The following ETNK2 variants were observed in gnomAD, a reference collection of about 807,000 sequenced individuals.
ETNK2 encodes the protein ethanolamine kinase 2.
Under a neutral mutation model 46.2 loss-of-function variants are expected in ETNK2, and 33 were observed. The ratio of observed to expected loss-of-function variants is 0.71; its 90% CI spans 0.54 to 0.96. ETNK2 has a LOEUF of 0.96. ETNK2 is among the 40% of genes least tolerant of loss of function. The probability of loss-of-function intolerance (pLI) is 0.00; values close to 1 mark genes in which losing one functional copy is unlikely to be tolerated. For synonymous variants in ETNK2, 194 were observed against 209.0 expected (o/e 0.93, Z 0.62); for missense variants, 445 against 509.7 (o/e 0.87, Z 1.22).
chr1:204,137,272 A>G, intron 5 of ETNK2, 23 bp from the exon 6 acceptor site: 1 of 1,611,378 alleles, frequency 6.2e-7, no homozygotes, highest in Non-Finnish European at 8.5e-7. Flanking sequence ...CAGGCCAGAC[A>G]AAGTTGCTCA....
chr1:204,148,082 G>A (rs1657862040), intron 2 of ETNK2, among the ~76,000 whole-genome samples: 1 of 152,168 alleles, frequency 6.6e-6, no homozygotes, highest in Non-Finnish European at 1.5e-5. Flanking sequence ...CAAAGCCTCA[G>A]CAGGCTGAGG....
In ETNK2 at chr1:204,151,230, T is replaced by G; in HGVS notation, c.258+365A>C. 1.3e-5 allele frequency: 5 copies of G among 376,552 alleles called. No homozygotes were observed. The highest frequency in any genetic ancestry group is 1.4e-4 in the East Asian group (2 of 14,240). 23.3% of individuals were successfully genotyped at this position (376,552 alleles called of 1,614,324 possible). Reference sequence around the variant, plus strand: ...TGGGTCGGGGGGGCGGGGGGTCTCTTAAAAGTTCCCGCCTCCTCAGGTTTC... The same window carrying G: ...TGGGTCGGGGGGGCGGGGGGTCTCTGAAAAGTTCCCGCCTCCTCAGGTTTC... On this transcript the variant is annotated intron_variant, in intron 1 of 7. Transcript: ENST00000367202. The surrounding 1 kb of genome is among the most constrained non-coding windows in gnomAD (Gnocchi z 8.0).
At chr1:204,148,378 G>A (rs993128880) in intron 2 of ETNK2, among the ~76,000 whole-genome samples, 1 of 152,090 alleles carries the variant, frequency 6.6e-6, no homozygotes, top group Non-Finnish European at 1.5e-5. Context: ...GAGTGGTGAC[G>A]ACCTGACAAT....
chr1:204,143,312 T>C (rs1228733907), intron 3 of ETNK2, among the ~76,000 whole-genome samples: 2 of 151,810 alleles, frequency 1.3e-5, no homozygotes, highest in Non-Finnish European at 2.9e-5. Context: ...CTGAAAAACA[T>C]GGCTCTGACA....
Position 204,134,497 on chromosome 1 carries a change from C to T in ETNK2, c.1088+18G>A, listed in dbSNP as rs1221063028. On this transcript the variant is annotated intron_variant, in intron 7 of 7. Coordinates refer to ENST00000367202, the MANE Select transcript of ETNK2 (RefSeq NM_018208.4). ...GCTCTCCCTTTTCTCCACGTCCCAC[C>T]ATCACCCCCACACTCACCTGAGGAA... The T allele has an allele frequency of 1.2e-6, 2 of 1,612,640 alleles. No homozygotes were observed. Among genetic ancestry groups the T allele is most frequent in the Non-Finnish European group, 1.7e-6 (2 of 1,179,418 alleles).
In ETNK2 at chr1:204,151,988, G is replaced by A; in HGVS notation, c.-136C>T. On this transcript the variant is annotated 5_prime_UTR_variant, in exon 1 of 8. Coordinates refer to ENST00000367202, the MANE Select transcript of ETNK2 (RefSeq NM_018208.4). The surrounding 1 kb of genome is among the most constrained non-coding windows in gnomAD (Gnocchi z 8.0). ...GCGCGAGCTGCCCGCTTCGATCGCCGGCTCGCGGCCCGCCGCCCACCGCCG... is the reference window on the plus strand; with the variant it reads ...GCGCGAGCTGCCCGCTTCGATCGCCAGCTCGCGGCCCGCCGCCCACCGCCG... 2 of 959,916 alleles carry A rather than the reference G, an allele frequency of 2.1e-6. No homozygotes were observed. Among genetic ancestry groups the A allele is most frequent in the Non-Finnish European group, 2.7e-6 (2 of 736,462 alleles). The allele number at this position is 959,916 out of a possible 1,614,324, so 59.5% of individuals were successfully genotyped here.
intron 6 of ETNK2, 118 bp downstream of exon 6, chr1:204,136,986 G>A: frequency 2.2e-6 from 3 of 1,388,990 alleles, no homozygotes; most frequent in Non-Finnish European, 2.0e-6. Flanking sequence ...AGGAGCCAGG[G>A]ATGGGTGTCC....
chr1:204,141,786 A>C (rs1657553423), intron 3 of ETNK2: 1 of 293,608 alleles, frequency 3.4e-6, no homozygotes, highest in Admixed American at 4.7e-5. Context: ...GGGAAAGGAC[A>C]AGGCAGGTGA....
chr1:204,134,779 C>T (rs1479819789), intron 6 of ETNK2, 191 bp from the exon 7 acceptor site: 8 of 1,302,522 alleles, frequency 6.1e-6, no homozygotes, highest in Non-Finnish European at 7.5e-6. Context: ...GGCGCCTCCA[C>T]TCCTGCTAGA....
At chr1:204,134,387 ACGGG>A (rs1657199874) in intron 7 of ETNK2, 124 bp downstream of exon 7, 1 of 1,032,662 alleles carries the variant, frequency 9.7e-7, no homozygotes, top group African/African-American at 1.6e-5. Flanking sequence ...ATGAGCTGGA[ACGGG>A]GGCGAGTCAG....
Position 204,151,822 on chromosome 1 carries a change from G to C in ETNK2, c.31C>G (p.Arg11Gly). 6.8e-7 allele frequency: 1 copy of C among 1,477,222 alleles called. No homozygotes were observed. Among genetic ancestry groups the C allele is most frequent in the Middle Eastern group, 1.8e-4 (1 of 5,644 alleles). The allele number at this position is 1,477,222 out of a possible 1,614,324, so 91.5% of individuals were successfully genotyped here. A position where few individuals can be genotyped will look rare whatever the true frequency, so the allele number is the denominator to read the frequency against. MAVPPSAPQPRASFHLRRHTP... is the reference protein window; with the variant it reads MAVPPSAPQPGASFHLRRHTP... The stretch of plus-strand genomic sequence containing the variant: ...TGCCTCCTCAGGTGAAAGGACGCGC[G>C]CGGCTGAGGGGCCGAAGGGGGCACA... The change falls in exon 1 of 8, where the codon CGC (arginine) becomes GGC (glycine). Residue 11 changes from arginine (R) to glycine (G), a missense_variant. By Grantham distance (125) the Arg-to-Gly change is moderately radical. Transcript: ENST00000367202. The surrounding 1 kb of genome is among the most constrained non-coding windows in gnomAD (Gnocchi z 8.0).
chr1:204,132,028 C>G lies in ETNK2; in HGVS notation c.*156G>C, dbSNP rs1471117822. 1.5e-6 allele frequency: 1 copy of G among 676,730 alleles called. No individual in the cohort carries two copies. Among genetic ancestry groups the G allele is most frequent in the Non-Finnish European group, 2.7e-6 (1 of 373,336 alleles). The allele number at this position is 676,730 out of a possible 1,614,324, so 41.9% of individuals were successfully genotyped here. A position where few individuals can be genotyped will look rare whatever the true frequency, so the allele number is the denominator to read the frequency against. On this transcript the variant is annotated 3_prime_UTR_variant, in exon 8 of 8. Coordinates refer to ENST00000367202, the MANE Select transcript of ETNK2 (RefSeq NM_018208.4). Reference sequence around the variant, plus strand: ...GGAGAATGAGGTCTTCAGTGGCAACCACTGGGGTCTGGCGGCAGGGACAGA... The same window carrying G: ...GGAGAATGAGGTCTTCAGTGGCAACGACTGGGGTCTGGCGGCAGGGACAGA...
intron 7 of ETNK2, among the ~76,000 whole-genome samples, chr1:204,134,247 G>C (rs1231482964): frequency 6.6e-6 from 1 of 152,226 alleles, no homozygotes; most frequent in African/African-American, 2.4e-5. Flanking sequence ...AAGCAGGGTG[G>C]GGAGTGGAGT....
intron 2 of ETNK2, among the ~76,000 whole-genome samples, chr1:204,148,730 G>A (rs528876279): frequency 6.6e-6 from 1 of 152,202 alleles, no homozygotes; most frequent in Non-Finnish European, 1.5e-5. Context: ...AACACAGCCA[G>A]GTGCATTTGG....
rs1264456730 is a variant in ETNK2 at position 204,151,836 on chromosome 1, G to A, written c.17C>T (p.Ser6Leu). 1 of 1,466,518 alleles carries A rather than the reference G, an allele frequency of 6.8e-7. No homozygotes were observed. The highest frequency in any genetic ancestry group is 9.0e-7 in the Non-Finnish European group (1 of 1,112,834). The allele number at this position is 1,466,518 out of a possible 1,614,324, so 90.8% of individuals were successfully genotyped here. A position where few individuals can be genotyped will look rare whatever the true frequency, so the allele number is the denominator to read the frequency against. MAVPPSAPQPRASFHL... is the reference protein window; with the variant it reads MAVPPLAPQPRASFHL... ...AAAGGACGCGCGCGGCTGAGGGGCC[G>A]AAGGGGGCACAGCCATTCCCAGCAG... is the stretch of plus-strand genomic sequence containing the variant. Residue 6 changes from serine (S) to leucine (L), a missense_variant, in exon 1 of 8, where the codon TCG becomes TTG. By Grantham distance (145) the Ser-to-Leu change is moderately radical. Transcript: ENST00000367202. The surrounding 1 kb of genome is among the most constrained non-coding windows in gnomAD (Gnocchi z 8.0).
intron 5 of ETNK2, chr1:204,139,015 ATG>A (rs35944023): frequency 0.22 from 32,962 of 151,740 alleles, 3,959 homozygotes; most frequent in East Asian, 0.4. Flanking sequence ...TGTCATACAT[ATG>A]TGTGTGTGTG....
At chr1:204,132,623 G>A (rs1207629366) in intron 7 of ETNK2, among the ~76,000 whole-genome samples, 2 of 152,094 alleles carry the variant, frequency 1.3e-5, no homozygotes, top group East Asian at 3.9e-4. Context: ...TGTAGAGACA[G>A]GGTTTCACCA....
chr1:204,133,049 T>C (rs1657133422), intron 7 of ETNK2, among the ~76,000 whole-genome samples: 2 of 152,300 alleles, frequency 1.3e-5, no homozygotes, highest in South Asian at 4.1e-4. Context: ...TAGCGTAATG[T>C]CCTCAAGATT....
intron 7 of ETNK2, among the ~76,000 whole-genome samples, chr1:204,133,823 G>T (rs1412365383): frequency 6.6e-6 from 1 of 152,188 alleles, no homozygotes; most frequent in Non-Finnish European, 1.5e-5. Context: ...GAGCCACCGC[G>T]CCCGGCCTCA....
Sources: allele counts gnomAD v4.1 joint callset (sites outside exome capture counted in the v4.1 genomes callset), GRCh38; gene constraint gnomAD v4.1.1; non-coding constraint Gnocchi (gnomAD v3.1); transcripts MANE v1.5; gene names NCBI Gene and HGNC (gene_info 2026-07-23, HGNC 2026-07-21).